Variants in SLC30A7 observed in about 807,000 individuals in gnomAD.
SLC30A7 encodes zinc transporter 7.
A neutral mutation model predicts 46.0 loss-of-function variants in SLC30A7; 35 were observed. The ratio of observed to expected loss-of-function variants is 0.76; its 90% CI spans 0.58 to 1.01. The LOEUF is 1.01. SLC30A7 is among the 50% of genes least tolerant of loss of function. The pLI is 0.00. For missense variants in SLC30A7, 464 were observed against 451.1 expected (o/e 1.03, Z -0.26); for synonymous variants, 147 against 157.8 (o/e 0.93, Z 0.51).
intron 4 of SLC30A7, 133 bp downstream of exon 4, chr1:100,911,283 C>T (rs889488359): frequency 4.0e-5 from 23 of 580,584 alleles, no homozygotes; most frequent in Non-Finnish European, 6.4e-5. Flanking sequence ...TATGTGCGTA[C>T]AAGAGGAGCT....
In SLC30A7 at chr1:100,897,472, G is replaced by A. The variant is rs148315255; in HGVS notation, c.182+801G>A. 2.0e-3 allele frequency among the ~76,000 whole-genome samples: 302 copies of A among 152,276 alleles called. 1 individual carries two copies. The highest frequency in any genetic ancestry group is 7.0e-3 in the African/African-American group (292 of 41,550). On this transcript the variant is annotated intron_variant, in intron 2 of 10. Transcript: ENST00000357650. ...TCCCATACTCCTTCAAAAATCTGAT[G>A]AAAGCCAATACTCAGAATTGTACAT...
At chr1:100,943,114 A>G (rs1306112855) in intron 8 of SLC30A7, among the ~76,000 whole-genome samples, 2 of 152,178 alleles carry the variant, frequency 1.3e-5, no homozygotes, top group Non-Finnish European at 2.9e-5. Context: ...ATTCAGTTCA[A>G]TTCTGACACT....
intron 8 of SLC30A7, among the ~76,000 whole-genome samples, chr1:100,951,540 C>T (rs1654951204): frequency 6.6e-6 from 1 of 152,174 alleles, no homozygotes; most frequent in Non-Finnish European, 1.5e-5. Context: ...TCCCATAATG[C>T]TCCAAGGTGC....
chr1:100,951,293 A>G (rs754398775), intron 8 of SLC30A7, among the ~76,000 whole-genome samples: 2 of 152,250 alleles, frequency 1.3e-5, no homozygotes, highest in Non-Finnish European at 2.9e-5. Flanking sequence ...TAGAAAAAGC[A>G]AAGCAATAAC....
chr1:100,912,379 C>T, intron 5 of SLC30A7, 141 bp downstream of exon 5: 1 of 939,054 alleles, frequency 1.1e-6, no homozygotes, highest in Non-Finnish European at 1.6e-6. Context: ...ATCCCTTTCA[C>T]TTCTTTATGC....
chr1:100,974,765 AT>A (rs1656363679), intron 10 of SLC30A7, 44 bp from the exon 11 acceptor site: 3 of 1,484,206 alleles, frequency 2.0e-6, no homozygotes, highest in Non-Finnish European at 1.8e-6. Context: ...GTAGGGTGTT[AT>A]TAGCTTGTTA....
At chr1:100,970,035 A>G (rs936148483) in intron 10 of SLC30A7, among the ~76,000 whole-genome samples, 3 of 152,202 alleles carry the variant, frequency 2.0e-5, no homozygotes, top group African/African-American at 2.4e-5. Context: ...ATTACATCTT[A>G]TAAATTTTAC....
At chr1:100,930,235 A>G (rs1023396194) in intron 8 of SLC30A7, among the ~76,000 whole-genome samples, 3 of 152,008 alleles carry the variant, frequency 2.0e-5, no homozygotes, top group Non-Finnish European at 4.4e-5. Context: ...ATATATACAT[A>G]CCACAAAATC....
the SLC30A7 span, among the ~76,000 whole-genome samples, chr1:100,986,972 A>T: frequency 6.6e-6 from 1 of 152,242 alleles, no homozygotes; most frequent in Non-Finnish European, 1.5e-5. Flanking sequence ...TTCAGAGAAC[A>T]GACTGAAAAC....
chr1:100,957,487 T>C (rs957189121), intron 8 of SLC30A7, among the ~76,000 whole-genome samples: 1 of 152,338 alleles, frequency 6.6e-6, no homozygotes, highest in African/African-American at 2.4e-5. Flanking sequence ...ATGGAAAATA[T>C]ATAAAAGATG....
chr1:100,914,102 G>A (rs993455166), intron 6 of SLC30A7, among the ~76,000 whole-genome samples: 1 of 151,894 alleles, frequency 6.6e-6, no homozygotes, highest in Non-Finnish European at 1.5e-5. Flanking sequence ...ATATATTTAT[G>A]GGTTACATGA....
intron 7 of SLC30A7, 135 bp downstream of exon 7, chr1:100,918,262 A>T (rs1484478898): frequency 3.5e-5 from 22 of 624,848 alleles, no homozygotes; most frequent in Non-Finnish European, 5.9e-5. Flanking sequence ...CTTTCTAGTG[A>T]TTGTTTTTTA....
intron 8 of SLC30A7, among the ~76,000 whole-genome samples, chr1:100,959,849 C>G (rs375671016): frequency 6.6e-6 from 1 of 152,064 alleles, no homozygotes; most frequent in Admixed American, 6.6e-5. Flanking sequence ...CTGCCTGTTA[C>G]GTGGACTTGA....
intron 7 of SLC30A7, among the ~76,000 whole-genome samples, chr1:100,919,877 T>C (rs1173885244): frequency 2.0e-5 from 3 of 152,138 alleles, no homozygotes; most frequent in Non-Finnish European, 4.4e-5. Flanking sequence ...ATTATGTTTT[T>C]CAATTATATG....
Position 100,980,329 on chromosome 1 carries a change from A to C in SLC30A7, c.*5472A>C, listed in dbSNP as rs1348836991. 1 of 152,152 alleles carries C rather than the reference A, an allele frequency of 6.6e-6. No homozygotes were observed. Among genetic ancestry groups the C allele is most frequent in the Non-Finnish European group, 1.5e-5 (1 of 67,980 alleles). The allele number at this position is 152,152 out of a possible 1,614,324, so 9.4% of individuals were successfully genotyped here. The stretch of plus-strand genomic sequence containing the variant: ...TTTATACACACCTTTCAAAAGGAAG[A>C]AATCTGTTTCATAAATAGTAGTAAT... On this transcript the variant is annotated 3_prime_UTR_variant, in exon 11 of 11. Coordinates refer to ENST00000357650, the MANE Select transcript of SLC30A7 (RefSeq NM_133496.5).
intron 6 of SLC30A7, among the ~76,000 whole-genome samples, chr1:100,914,695 G>A (rs950172449): frequency 2.0e-5 from 3 of 152,168 alleles, no homozygotes; most frequent in Non-Finnish European, 4.4e-5. Context: ...ATTACTCTCA[G>A]TAGAGTGTAT....
chr1:100,951,109 G>A (rs1206673714), intron 8 of SLC30A7, among the ~76,000 whole-genome samples: 1 of 152,134 alleles, frequency 6.6e-6, no homozygotes, highest in Admixed American at 6.5e-5. Context: ...AAGTGAGGGA[G>A]TGTGAATCAG....
At chr1:100,948,503 A>T (rs190255239) in intron 8 of SLC30A7, among the ~76,000 whole-genome samples, 38 of 152,220 alleles carry the variant, frequency 2.5e-4, no homozygotes, top group Non-Finnish European at 4.1e-4. Context: ...ACCTTGGCGA[A>T]TCTGACAATT....
At chr1:100,916,623 T>G (rs1471427587) in intron 6 of SLC30A7, among the ~76,000 whole-genome samples, 2 of 152,142 alleles carry the variant, frequency 1.3e-5, no homozygotes, top group Non-Finnish European at 2.9e-5. Context: ...TTACACTCTT[T>G]TAGTTATTTT....
Sources: allele counts gnomAD v4.1 joint callset (sites outside exome capture counted in the v4.1 genomes callset), GRCh38; gene constraint gnomAD v4.1.1; transcripts MANE v1.5; gene names NCBI Gene and HGNC (gene_info 2026-07-23, HGNC 2026-07-21).